Variants in ZNF101 observed in about 807,000 individuals in gnomAD.
ZNF101 encodes the protein zinc finger protein 101.
Under a neutral mutation model 42.6 loss-of-function variants are expected in ZNF101, and 34 were observed. The observed-to-expected ratio is 0.80, with a 90% CI of 0.61 to 1.06. The LOEUF (loss-of-function observed/expected upper bound fraction) is 1.06. ZNF101 is among the 50% of genes least tolerant of loss of function. The pLI is 0.00. For missense variants in ZNF101, 466 were observed against 530.9 expected (o/e 0.88, Z 1.20); for synonymous variants, 158 against 183.9 (o/e 0.86, Z 1.14).
rs750822732 is a variant in ZNF101, at chr19:19,679,163, G to A, written c.192-18G>A. 59 of 1,606,456 alleles carry A rather than the reference G, an allele frequency of 3.7e-5. No homozygotes were observed. In the South Asian group the frequency reaches 4.6e-4, roughly 13 times the overall value. On this transcript the variant is annotated intron_variant, in intron 3 of 3. Coordinates refer to ENST00000592502, the MANE Select transcript of ZNF101 (RefSeq NM_033204.4). ...TTAATAAACCAAGCATTGATAATGC[G>A]TTTGTCATTTTTCATAGAAGTCTGG... is the stretch of plus-strand genomic sequence containing the variant.
chr19:19,675,475 C>T (rs1380049634), intron 1 of ZNF101, among the ~76,000 whole-genome samples: 3 of 152,084 alleles, frequency 2.0e-5, no homozygotes, highest in Admixed American at 1.3e-4. Context: ...CCTGCTACTA[C>T]AGCTCTGTTC....
At chr19:19,673,354 G>A (rs74181149) in intron 1 of ZNF101, among the ~76,000 whole-genome samples, 8,108 of 148,248 alleles carry the variant, frequency 0.055, 295 homozygotes, top group East Asian at 0.17. Flanking sequence ...GGTTCAAGCA[G>A]TTCTTCTGTC....
Position 19,679,437 on chromosome 19 carries a change from T to A in ZNF101, c.448T>A (p.Ser150Thr). The A allele has an allele frequency of 6.2e-7, 1 of 1,613,968 alleles. No homozygotes were observed. Among genetic ancestry groups the A allele is most frequent in the Non-Finnish European group, 8.5e-7 (1 of 1,179,942 alleles). ...PRKQKQHGKA[S>T]ISPSSGARRT... is the part of the protein sequence containing the mutation. ...TAAACAGAAACAACATGGGAAAGCC[T>A]CCATTTCCCCCAGTAGTGGTGCACG... The change falls in exon 4 of 4, where the codon TCC becomes ACC. Residue 150 changes from serine (S) to threonine (T), a missense_variant. Ser to Thr is a moderately conservative substitution (Grantham distance 58, BLOSUM62 1). Transcript: ENST00000592502.
Position 19,679,193 on chromosome 19 carries a change from G to A in ZNF101, c.204G>A (p.Glu68=). 4 of 1,612,836 alleles carry A rather than the reference G, an allele frequency of 2.5e-6. No homozygotes were observed. Among genetic ancestry groups the A allele is most frequent in the Non-Finnish European group, 3.4e-6 (4 of 1,178,898 alleles). ...TCATTTTTCATAGAAGTCTGGTGGA[G>A]AGACTCTGTGGACGTAAAGAAGGGA... is the stretch of plus-strand genomic sequence containing the variant. ...NLGIKLRSLV[E]RLCGRKEGNE... is the part of the protein sequence containing the mutation. Residue 68 remains glutamate, a synonymous_variant, in exon 4 of 4, where the codon GAG becomes GAA. Transcript: ENST00000592502.
rs949864803 is a variant in ZNF101 at position 19,682,431 on chromosome 19, G to A, written c.*2131G>A. The A allele has an allele frequency of 2.9e-4, 44 of 152,084 alleles. No homozygotes were observed. The highest frequency in any genetic ancestry group is 1.0e-3 in the African/African-American group (43 of 41,414). The allele number at this position is 152,084 out of a possible 1,614,324, so 9.4% of individuals were successfully genotyped here. A position where few individuals can be genotyped will look rare whatever the true frequency, so the allele number is the denominator to read the frequency against. ...AAACAGGGTTTTTCCACATTGGCCA[G>A]GCTGGTCTTGAACTCCTGACCTCAA... On this transcript the variant is annotated 3_prime_UTR_variant, in exon 4 of 4. Coordinates refer to ENST00000592502, the MANE Select transcript of ZNF101 (RefSeq NM_033204.4).
rs1273982402 is a variant in ZNF101 at position 19,681,739 on chromosome 19, C to T, written c.*1439C>T. On this transcript the variant is annotated 3_prime_UTR_variant, in exon 4 of 4. Coordinates refer to ENST00000592502, the MANE Select transcript of ZNF101 (RefSeq NM_033204.4). ...GACTCCAGCCTGGGCAACAGTGAGA[C>T]CCTGTCTAAAAAAATTAATCATGTG... The T allele has an allele frequency of 2.0e-5, 3 of 151,766 alleles. No homozygotes were observed. The highest frequency in any genetic ancestry group is 1.3e-4 in the Admixed American group (2 of 15,212). The allele number at this position is 151,766 out of a possible 1,614,324, so 9.4% of individuals were successfully genotyped here. A position where few individuals can be genotyped will look rare whatever the true frequency, so the allele number is the denominator to read the frequency against.
In ZNF101 at chr19:19,668,851, G is replaced by C. The variant is rs1030211376; in HGVS notation, c.-113G>C. 4 of 1,394,416 alleles carry C rather than the reference G, an allele frequency of 2.9e-6. No individual in the cohort carries two copies. The African/African-American group carries it at 4.4e-5, about 15-fold the overall frequency. 86.4% of individuals were successfully genotyped at this position (1,394,416 alleles called of 1,614,324 possible). A position where few individuals can be genotyped will look rare whatever the true frequency, so the allele number is the denominator to read the frequency against. ...CCGCCGGCCCCCCATTCGGGTCCGG[G>C]TTTTAGTTCCTCGGGGAGCCCCTGG... On this transcript the variant is annotated 5_prime_UTR_variant, in exon 1 of 4. Transcript: ENST00000592502.
At position 19,681,769 on chromosome 19, in the gene ZNF101, C is replaced by T. The variant is rs2062241068; in HGVS notation, c.*1469C>T. 1 of 151,922 alleles carries T rather than the reference C, an allele frequency of 6.6e-6. No individual in the cohort carries two copies. The highest frequency in any genetic ancestry group is 6.6e-5 in the Admixed American group (1 of 15,220). 9.4% of individuals were successfully genotyped at this position (151,922 alleles called of 1,614,324 possible). A position where few individuals can be genotyped will look rare whatever the true frequency, so the allele number is the denominator to read the frequency against. ...TCTAAAAAAATTAATCATGTGAGAA[C>T]ATCCACTCGAAAGAAATCCTATAAA... On this transcript the variant is annotated 3_prime_UTR_variant, in exon 4 of 4. Transcript: ENST00000592502.
chr19:19,675,112 G>A (rs943164664), intron 1 of ZNF101, among the ~76,000 whole-genome samples: 3 of 151,516 alleles, frequency 2.0e-5, no homozygotes, highest in Non-Finnish European at 2.9e-5. Flanking sequence ...GAGCCACCGC[G>A]CCCAGCCAAT....
intron 1 of ZNF101, 53 bp from the exon 2 acceptor site, chr19:19,677,811 A>T: frequency 6.3e-7 from 1 of 1,592,962 alleles, no homozygotes. Context: ...TTGAGTAGAG[A>T]TCCCCAGTGC....
rs1007430047 is a variant in ZNF101, at chr19:19,682,086, C to T, written c.*1786C>T. 4.0e-5 allele frequency: 6 copies of T among 151,844 alleles called. No individual in the cohort carries two copies. Among genetic ancestry groups the T allele is most frequent in the African/African-American group, 1.5e-4 (6 of 41,328 alleles). 9.4% of individuals were successfully genotyped at this position (151,844 alleles called of 1,614,324 possible). A position where few individuals can be genotyped will look rare whatever the true frequency, so the allele number is the denominator to read the frequency against. On this transcript the variant is annotated 3_prime_UTR_variant, in exon 4 of 4. Transcript: ENST00000592502. ...TATAAGCACATGCCACCACGCCTGG[C>T]TAATTTTTTTGTATTTTTAGTAGAG...
At chr19:19,672,072 T>G (rs1309593400) in intron 1 of ZNF101, 1 of 142,118 alleles carries the variant, frequency 7.0e-6, no homozygotes, top group East Asian at 1.9e-4. Context: ...AATGTGTGTG[T>G]GTATATATAT....
At chr19:19,674,445 GGATTACA>G (rs1377539444) in intron 1 of ZNF101, among the ~76,000 whole-genome samples, 1 of 152,120 alleles carries the variant, frequency 6.6e-6, no homozygotes, top group East Asian at 1.9e-4. Context: ...CGAAGTGCTG[GGATTACA>G]GGCGTGAGCC....
chr19:19,677,481 G>C (rs1194510211), intron 1 of ZNF101: 3 of 183,266 alleles, frequency 1.6e-5, no homozygotes, highest in African/African-American at 7.2e-5. Flanking sequence ...GGTCGAACTT[G>C]GTAAACAGGC....
chr19:19,671,390 T>C (rs1258445097), intron 1 of ZNF101, among the ~76,000 whole-genome samples: 2 of 152,204 alleles, frequency 1.3e-5, no homozygotes, highest in African/African-American at 2.4e-5. Context: ...TCATCTCTTT[T>C]CCTAAGGATA....
intron 1 of ZNF101, chr19:19,677,513 C>T (rs1019641727): frequency 5.3e-6 from 1 of 189,822 alleles, no homozygotes; most frequent in African/African-American, 2.4e-5. Flanking sequence ...TACCCAGACT[C>T]AGGACTGCTG....
At chr19:19,669,094 C>A (rs2062153139) in intron 1 of ZNF101, 128 bp downstream of exon 1, 3 of 1,316,024 alleles carry the variant, frequency 2.3e-6, no homozygotes, top group African/African-American at 3.0e-5. Flanking sequence ...CGCAGCTCGA[C>A]CCTTGGTCCC....
intron 3 of ZNF101, 84 bp downstream of exon 3, chr19:19,678,870 A>G: frequency 8.2e-7 from 1 of 1,218,726 alleles, no homozygotes; most frequent in Non-Finnish European, 1.2e-6. Context: ...TACAAGACAA[A>G]TAAGTACAAT....
chr19:19,669,037 G>A, intron 1 of ZNF101, 71 bp downstream of exon 1: 1 of 1,533,020 alleles, frequency 6.5e-7, no homozygotes, highest in East Asian at 2.4e-5. Flanking sequence ...GCTGGACCTG[G>A]GCCTCCCCGC....
Sources: allele counts gnomAD v4.1 joint callset (sites outside exome capture counted in the v4.1 genomes callset), GRCh38; gene constraint gnomAD v4.1.1; transcripts MANE v1.5; gene names NCBI Gene and HGNC (gene_info 2026-07-23, HGNC 2026-07-21).